Variants in PAK5 observed in about 807,000 individuals in gnomAD.
The protein encoded by PAK5 is serine/threonine-protein kinase PAK 5.
Under a neutral mutation model 65.9 loss-of-function variants are expected in PAK5, and 16 were observed. The ratio of observed to expected loss-of-function variants is 0.24; its 90% CI spans 0.16 to 0.37. PAK5 has a LOEUF of 0.37. Among genes scored for constraint, PAK5 ranks in the 10% least tolerant of loss-of-function variants. The probability of loss-of-function intolerance (pLI) is 1.00; values close to 1 mark genes in which losing one functional copy is unlikely to be tolerated. For synonymous variants in PAK5, 371 were observed against 354.9 expected, an observed-to-expected ratio of 1.05 and a Z score of -0.51; for missense variants, 785 against 903.9, an observed-to-expected ratio of 0.87 and a Z score of 1.69.
At chr20:9,605,699 C>A (rs553909410) in intron 3 of PAK5, among the ~76,000 whole-genome samples, 11 of 152,262 alleles carry the variant, frequency 7.2e-5, no homozygotes, top group Non-Finnish European at 1.6e-4. Flanking sequence ...GAGGCCAAGG[C>A]AGGCGGATCA....
intron 3 of PAK5, among the ~76,000 whole-genome samples, chr20:9,641,130 T>C (rs2047053775): frequency 6.6e-6 from 1 of 151,964 alleles, no homozygotes. Context: ...CACCTCCCCA[T>C]CAGATTAGTT....
intron 3 of PAK5, among the ~76,000 whole-genome samples, chr20:9,634,425 G>C (rs1412477407): frequency 6.6e-6 from 1 of 152,248 alleles, no homozygotes; most frequent in Non-Finnish European, 1.5e-5. Flanking sequence ...ACTAGGCCAT[G>C]TGAGCTTAAG....
intron 2 of PAK5, among the ~76,000 whole-genome samples, chr20:9,692,391 C>A (rs2047809988): frequency 6.6e-6 from 1 of 152,200 alleles, no homozygotes; most frequent in Non-Finnish European, 1.5e-5. Flanking sequence ...GTTAAGTATT[C>A]ATCCTCGCTG....
chr20:9,799,986 T>C lies in PAK5; in HGVS notation c.-162+38776A>G, dbSNP rs79310301. ...AAAAAATGAAAGAAAGAAAAAGAAA[T>C]ATCTGTATAGTTGACAAATGAAAGA... On this transcript the variant is annotated intron_variant, in intron 1 of 9. Transcript: ENST00000353224. Among the ~76,000 whole-genome samples the C allele has an allele frequency of 5.5e-3, 613 of 111,742 alleles. 4 individuals carry two copies. Among genetic ancestry groups the C allele is most frequent in the African/African-American group, 0.017 (534 of 31,722 alleles). 73.3% of individuals were successfully genotyped at this position (111,742 alleles called of 152,430 possible). A position where few individuals can be genotyped will look rare whatever the true frequency, so the allele number is the denominator to read the frequency against.
intron 1 of PAK5, among the ~76,000 whole-genome samples, chr20:9,753,110 G>A (rs1426586813): frequency 6.6e-6 from 1 of 152,110 alleles, no homozygotes; most frequent in African/African-American, 2.4e-5. Flanking sequence ...CCAACCAGCT[G>A]GCAGCAACCT....
At chr20:9,630,539 T>C (rs2046908025) in intron 3 of PAK5, among the ~76,000 whole-genome samples, 1 of 152,302 alleles carries the variant, frequency 6.6e-6, no homozygotes, top group Non-Finnish European at 1.5e-5. Flanking sequence ...ACAAAGTTCT[T>C]AAGGAATTGT....
At chr20:9,763,933 T>C (rs2048728339) in intron 1 of PAK5, among the ~76,000 whole-genome samples, 1 of 152,148 alleles carries the variant, frequency 6.6e-6, no homozygotes, top group Non-Finnish European at 1.5e-5. Context: ...TGAATGTACC[T>C]GCAGGTATGA....
At chr20:9,558,043 T>TTCATTCATTCATTC (rs1555895453) in intron 6 of PAK5, among the ~76,000 whole-genome samples, 29 of 138,952 alleles carry the variant, frequency 2.1e-4, no homozygotes, top group African/African-American at 8.5e-4. Flanking sequence ...TTTATTTATT[T>TTCATTCATTCATTC]ATTCATTCAT....
chr20:9,603,101 G>A (rs1246925852), intron 3 of PAK5, among the ~76,000 whole-genome samples: 3 of 152,218 alleles, frequency 2.0e-5, no homozygotes, highest in African/African-American at 7.2e-5. Context: ...AGTGCAGCAA[G>A]CTGGAAGGAA....
At chr20:9,748,244 G>C (rs1219741469) in intron 1 of PAK5, among the ~76,000 whole-genome samples, 1 of 152,142 alleles carries the variant, frequency 6.6e-6, no homozygotes, top group Non-Finnish European at 1.5e-5. Context: ...TCAATATCAT[G>C]AAAATGGCCA....
intron 1 of PAK5, among the ~76,000 whole-genome samples, chr20:9,834,969 A>G (rs1466000965): frequency 6.6e-6 from 1 of 152,208 alleles, no homozygotes; most frequent in Non-Finnish European, 1.5e-5. Context: ...CAGTTGCCAA[A>G]AAAATATTTT....
At chr20:9,659,219 C>T (rs1345779096) in intron 2 of PAK5, among the ~76,000 whole-genome samples, 3 of 152,176 alleles carry the variant, frequency 2.0e-5, no homozygotes, top group Non-Finnish European at 4.4e-5. Context: ...AGTTTAACAA[C>T]ATCAGAGCCT....
chr20:9,725,077 G>T (rs2048260785), intron 1 of PAK5, among the ~76,000 whole-genome samples: 1 of 151,584 alleles, frequency 6.6e-6, no homozygotes, highest in African/African-American at 2.4e-5. Context: ...AAATAAAATG[G>T]AACACACACA....
At chr20:9,785,122 C>T (rs2048979699) in intron 1 of PAK5, among the ~76,000 whole-genome samples, 1 of 152,042 alleles carries the variant, frequency 6.6e-6, no homozygotes, top group Non-Finnish European at 1.5e-5. Flanking sequence ...ATCATAACCC[C>T]TGGCTATTTT....
chr20:9,653,927 C>T (rs1165965435), intron 2 of PAK5, among the ~76,000 whole-genome samples: 1 of 151,330 alleles, frequency 6.6e-6, no homozygotes, highest in Non-Finnish European at 1.5e-5. Flanking sequence ...GTTATTCCAT[C>T]TTTCCCACTT....
intron 4 of PAK5, among the ~76,000 whole-genome samples, chr20:9,570,508 C>T (rs1469220283): frequency 6.6e-6 from 1 of 152,088 alleles, no homozygotes; most frequent in Non-Finnish European, 1.5e-5. Context: ...AGAGAAGTGT[C>T]AGTGTAAGTT....
chr20:9,659,130 T>C (rs2123325253), intron 2 of PAK5, among the ~76,000 whole-genome samples: 1 of 152,276 alleles, frequency 6.6e-6, no homozygotes, highest in South Asian at 2.1e-4. Flanking sequence ...AAAATTGTAT[T>C]GTGGGTGTGT....
intron 1 of PAK5, among the ~76,000 whole-genome samples, chr20:9,714,869 C>T (rs1225922544): frequency 6.6e-6 from 1 of 152,158 alleles, no homozygotes; most frequent in Non-Finnish European, 1.5e-5. Flanking sequence ...TAGATCCCTT[C>T]CTTACACCTT....
intron 3 of PAK5, among the ~76,000 whole-genome samples, chr20:9,643,633 CAT>C: frequency 6.6e-6 from 1 of 152,010 alleles, no homozygotes; most frequent in African/African-American, 2.4e-5. Flanking sequence ...ATTATATAAA[CAT>C]ATACATGTAT....
Sources: allele counts gnomAD v4.1 joint callset (sites outside exome capture counted in the v4.1 genomes callset), GRCh38; gene constraint gnomAD v4.1.1; transcripts MANE v1.5; gene names NCBI Gene and HGNC (gene_info 2026-07-23, HGNC 2026-07-21).